Variants in OR56A3 observed in about 807,000 individuals in gnomAD.
OR56A3 encodes the protein olfactory receptor 56A3.
Under a neutral mutation model 17.5 loss-of-function variants are expected in OR56A3, and 23 were observed. The ratio of observed to expected loss-of-function variants is 1.32; its 90% confidence interval spans 0.95 to 1.87. OR56A3 has a LOEUF of 1.87. Ranked by LOEUF, OR56A3 falls within the 40% of genes most tolerant of loss-of-function variation. The pLI is 0.00. For synonymous variants in OR56A3, 175 were observed against 150.6 expected (o/e 1.16, Z -1.19); for missense variants, 366 against 380.1 (o/e 0.96, Z 0.31).
At chr11:5,958,484 T>C in the OR56A3 span, among the ~76,000 whole-genome samples, 2 of 152,094 alleles carry the variant, frequency 1.3e-5, no homozygotes, top group African/African-American at 4.8e-5. Flanking sequence ...TTACAAGTAA[T>C]AAGAATAAAA....
At chr11:5,958,329 G>A in the OR56A3 span, among the ~76,000 whole-genome samples, 1 of 152,094 alleles carries the variant, frequency 6.6e-6, no homozygotes, top group East Asian at 1.9e-4. Flanking sequence ...GACTCAAATA[G>A]GAAAGGATTT....
chr11:5,943,629 G>C (rs1383401275), intron 1 of OR56A3: 1 of 151,710 alleles, frequency 6.6e-6, no homozygotes, highest in Admixed American at 6.6e-5. Context: ...AACAGATAAA[G>C]GACTCCAGGA....
chr11:5,975,387 G>A, the OR56A3 span, among the ~76,000 whole-genome samples: 1 of 126,270 alleles, frequency 7.9e-6, no homozygotes, highest in Admixed American at 1.0e-4. Context: ...TCCCCAGTGT[G>A]TGATGTTCCC....
At chr11:6,016,896 C>A in the OR56A3 span, 1 of 150,930 alleles carries the variant, frequency 6.6e-6, no homozygotes, top group African/African-American at 2.4e-5. Context: ...AATAGAGTTT[C>A]AACAATAGAC....
the OR56A3 span, among the ~76,000 whole-genome samples, chr11:6,010,498 C>T: frequency 6.6e-6 from 1 of 152,152 alleles, no homozygotes; most frequent in Non-Finnish European, 1.5e-5. Context: ...GTCGTTTTTG[C>T]CTCCTTTTGC....
the OR56A3 span, chr11:5,986,183 C>T: frequency 3.6e-5 from 58 of 1,613,866 alleles, 1 homozygote; most frequent in South Asian, 5.8e-4. Flanking sequence ...AGTCGGGCCT[C>T]ACTCCCTGGT....
rs569592542 is a variant in OR56A3, at chr11:5,947,457, C to T, written c.111C>T (p.Leu37=). 5.0e-6 allele frequency: 8 copies of T among 1,614,236 alleles called. No homozygotes were observed. In the South Asian group the frequency reaches 7.7e-5, roughly 16 times the overall value. The change falls in exon 3 of 3, where the codon CTC becomes CTT. Residue 37 remains leucine (L), a synonymous_variant. Transcript: ENST00000641160. The part of the protein sequence containing the change: ...WQHWLSLPLS[L]LFLLAVGANT... ...ACTGGCTGTCCCTGCCCCTCAGCCT[C>T]CTTTTCCTCTTGGCCGTAGGGGCCA...
chr11:5,982,881 A>G, the OR56A3 span, among the ~76,000 whole-genome samples: 1 of 152,174 alleles, frequency 6.6e-6, no homozygotes, highest in African/African-American at 2.4e-5. Context: ...GAGCCACTCA[A>G]GGCCAGAAAT....
chr11:5,968,345 G>A, the OR56A3 span: 2 of 1,613,752 alleles, frequency 1.2e-6, no homozygotes, highest in Non-Finnish European at 1.7e-6. Flanking sequence ...GATAGATGGT[G>A]ATCAGAAGGG....
At chr11:5,959,096 C>G in the OR56A3 span, among the ~76,000 whole-genome samples, 1 of 152,172 alleles carries the variant, frequency 6.6e-6, no homozygotes, top group Non-Finnish European at 1.5e-5. Context: ...CATGAGACAG[C>G]AGCTATCTCT....
chr11:5,994,863 TC>T, the OR56A3 span: 1 of 761,692 alleles, frequency 1.3e-6, no homozygotes, highest in South Asian at 1.3e-5. Flanking sequence ...GTCTCCAGGC[TC>T]CTCACTCTGT....
chr11:5,970,457 T>C, the OR56A3 span, among the ~76,000 whole-genome samples: 2 of 151,854 alleles, frequency 1.3e-5, no homozygotes. Flanking sequence ...AAGAGAGAAA[T>C]AGAATGCGGG....
the OR56A3 span, among the ~76,000 whole-genome samples, chr11:6,010,205 T>C: frequency 1.3e-5 from 2 of 152,214 alleles, no homozygotes. Context: ...TTTTCCAAAA[T>C]TCTGATATCT....
At chr11:5,999,427 AAATT>A in the OR56A3 span, 29 of 152,364 alleles carry the variant, frequency 1.9e-4, no homozygotes, top group Middle Eastern at 6.8e-3. Context: ...AATAAAAAAT[AAATT>A]AACACCATTT....
At chr11:5,982,542 A>C in the OR56A3 span, among the ~76,000 whole-genome samples, 4 of 152,098 alleles carry the variant, frequency 2.6e-5, no homozygotes, top group Admixed American at 1.3e-4. Context: ...AGAGGCTGGC[A>C]GACAGGGCAG....
the OR56A3 span, among the ~76,000 whole-genome samples, chr11:5,966,597 T>C: frequency 1.3e-5 from 2 of 152,126 alleles, no homozygotes; most frequent in Non-Finnish European, 2.9e-5. Flanking sequence ...GATCAGAGCA[T>C]GATCAGGATA....
the OR56A3 span, among the ~76,000 whole-genome samples, chr11:5,990,037 T>C: frequency 7.2e-5 from 11 of 152,222 alleles, no homozygotes. Context: ...CATGTCTCCT[T>C]TTCTTTCCTA....
chr11:5,990,757 T>A, the OR56A3 span, among the ~76,000 whole-genome samples: 4 of 152,092 alleles, frequency 2.6e-5, no homozygotes, highest in African/African-American at 9.7e-5. Context: ...ACAACATGGA[T>A]AATAAAGTAA....
chr11:5,967,690 T>C, the OR56A3 span: 1 of 1,613,762 alleles, frequency 6.2e-7, no homozygotes, highest in Non-Finnish European at 8.5e-7. Context: ...GGAATTCTCT[T>C]CCTGGCCAGG....
Sources: gnomAD v4.1 joint callset for allele counts (sites outside exome capture counted in the v4.1 genomes callset) on GRCh38, gnomAD v4.1.1 for gene constraint, MANE v1.5 for transcripts, NCBI Gene and HGNC (gene_info 2026-07-23, HGNC 2026-07-21) for gene names.